The following TMEM272 variants were observed in gnomAD, a reference collection of about 807,000 sequenced individuals.
TMEM272 encodes long intergenic non-protein coding RNA 282.
A neutral mutation model predicts 3.7 loss-of-function variants in TMEM272; 8 were observed. That is an observed-to-expected ratio of 2.17 (90% CI 1.27 to 3.91). The LOEUF (loss-of-function observed/expected upper bound fraction) is 3.91, where lower values mean the gene tolerates loss of function less well. TMEM272 is among the 30% of genes most tolerant of loss of function. TMEM272 has a pLI of 0.00. For missense variants in TMEM272, 166 were observed against 91.5 expected (o/e 1.81, Z -3.32); for synonymous variants, 63 against 39.8 (o/e 1.58, Z -2.20).
upstream of TMEM272, among the ~76,000 whole-genome samples, chr13:51,847,421 C>T (rs957559123): frequency 4.6e-5 from 7 of 152,212 alleles, no homozygotes; most frequent in Admixed American, 2.0e-4. Flanking sequence ...TGAGGTTGAA[C>T]GGTTTCATGC....
the TMEM272 span, among the ~76,000 whole-genome samples, chr13:51,902,394 C>T: frequency 2.0e-4 from 30 of 152,290 alleles, no homozygotes; most frequent in Non-Finnish European, 4.0e-4. Context: ...CACCCACATG[C>T]CTTTAGAACC....
chr13:51,918,810 T>C, the TMEM272 span, among the ~76,000 whole-genome samples: 1 of 142,888 alleles, frequency 7.0e-6, no homozygotes, highest in South Asian at 2.3e-4. Context: ...ATTCTTTTTT[T>C]TTTTTTTTTT....
chr13:51,855,668 C>T, the TMEM272 span, among the ~76,000 whole-genome samples: 4 of 152,016 alleles, frequency 2.6e-5, no homozygotes, highest in Non-Finnish European at 4.4e-5. Flanking sequence ...GTAGATTAGA[C>T]ACCGCTGAAG....
In TMEM272 at chr13:51,815,683, A is replaced by C. The variant is rs991441245; in HGVS notation, c.*1068T>G. The stretch of plus-strand genomic sequence containing the variant: ...CAGTATCTTCATACAAAATTCTAAA[A>C]CATGGGACTTTTTGCTCATAAAGAG... On this transcript the variant is annotated 3_prime_UTR_variant, in exon 5 of 5. Transcript: ENST00000629372. The C allele has an allele frequency of 6.6e-6, 1 of 152,172 alleles. No homozygotes were observed. Among genetic ancestry groups the C allele is most frequent in the African/African-American group, 2.4e-5 (1 of 41,436 alleles). 9.4% of individuals were successfully genotyped at this position (152,172 alleles called of 1,614,324 possible).
chr13:51,841,829 T>G (rs1956266438), intron 1 of TMEM272, among the ~76,000 whole-genome samples: 1 of 152,146 alleles, frequency 6.6e-6, no homozygotes, highest in African/African-American at 2.4e-5. Context: ...ACTGGCAAGA[T>G]GGATGAGAAC....
At chr13:51,820,300 T>C (rs1229289044) in intron 4 of TMEM272, among the ~76,000 whole-genome samples, 1 of 152,184 alleles carries the variant, frequency 6.6e-6, no homozygotes, top group Non-Finnish European at 1.5e-5. Context: ...ACGAAGGATG[T>C]TGGGACCCCC....
At chr13:51,843,672 C>CA (rs1234295712) in intron 1 of TMEM272, among the ~76,000 whole-genome samples, 2 of 152,192 alleles carry the variant, frequency 1.3e-5, no homozygotes, top group Admixed American at 1.3e-4. Flanking sequence ...ACAGGCCGGG[C>CA]AGTGCCTTCT....
At chr13:51,846,402 G>A (rs1956305868), upstream of TMEM272, among the ~76,000 whole-genome samples, 1 of 152,190 alleles carries the variant, frequency 6.6e-6, no homozygotes, top group South Asian at 2.1e-4. Flanking sequence ...ATGTGTTTGT[G>A]GTGATGTTGG....
the TMEM272 span, among the ~76,000 whole-genome samples, chr13:51,915,512 G>A: frequency 2.2e-4 from 34 of 152,222 alleles, no homozygotes; most frequent in African/African-American, 8.0e-4. Flanking sequence ...ATAATTGGGA[G>A]AATTCTCCAG....
the TMEM272 span, among the ~76,000 whole-genome samples, chr13:51,900,093 T>C: frequency 2.0e-5 from 3 of 152,138 alleles, no homozygotes; most frequent in Non-Finnish European, 4.4e-5. Flanking sequence ...AATTAGGCAA[T>C]GGTTTCTTAG....
chr13:51,850,869 T>C, the TMEM272 span, among the ~76,000 whole-genome samples: 1 of 152,214 alleles, frequency 6.6e-6, no homozygotes, highest in Non-Finnish European at 1.5e-5. Flanking sequence ...ACAGCACTTC[T>C]ACAAAAATAA....
At chr13:51,911,528 G>A in the TMEM272 span, among the ~76,000 whole-genome samples, 4 of 152,160 alleles carry the variant, frequency 2.6e-5, no homozygotes, top group Admixed American at 6.5e-5. Context: ...CACCTCCCGC[G>A]CATGCACATA....
At chr13:51,869,733 C>T in the TMEM272 span, among the ~76,000 whole-genome samples, 1 of 152,214 alleles carries the variant, frequency 6.6e-6, no homozygotes, top group East Asian at 1.9e-4. Flanking sequence ...CGTGATCCGC[C>T]CACCTCAGCC....
chr13:51,916,108 G>A, the TMEM272 span, among the ~76,000 whole-genome samples: 16 of 152,272 alleles, frequency 1.1e-4, no homozygotes, highest in South Asian at 1.0e-3. Flanking sequence ...ACTTAACACT[G>A]GGAACGTGTA....
At chr13:51,899,809 T>C in the TMEM272 span, among the ~76,000 whole-genome samples, 3 of 152,234 alleles carry the variant, frequency 2.0e-5, no homozygotes, top group Non-Finnish European at 4.4e-5. Context: ...CTTAATGGAA[T>C]AGAACTACAT....
At chr13:51,907,995 A>G in the TMEM272 span, among the ~76,000 whole-genome samples, 1 of 152,338 alleles carries the variant, frequency 6.6e-6, no homozygotes, top group East Asian at 1.9e-4. Context: ...TGGATTAATC[A>G]AATTAAAATA....
At chr13:51,837,360 C>T (rs1249963641) in intron 2 of TMEM272, among the ~76,000 whole-genome samples, 1 of 152,172 alleles carries the variant, frequency 6.6e-6, no homozygotes, top group African/African-American at 2.4e-5. Flanking sequence ...CTTTCCCTGC[C>T]GGCAGTAAAC....
At chr13:51,844,632 T>C (rs1013301151) in intron 1 of TMEM272, among the ~76,000 whole-genome samples, 1 of 152,166 alleles carries the variant, frequency 6.6e-6, no homozygotes, top group South Asian at 2.1e-4. Flanking sequence ...TCCTTTGAGC[T>C]CTACCACCCC....
At chr13:51,886,959 G>A in the TMEM272 span, among the ~76,000 whole-genome samples, 1,235 of 152,134 alleles carry the variant, frequency 8.1e-3, 28 homozygotes, top group African/African-American at 0.028. Flanking sequence ...TTACCTTACC[G>A]TGCTCACCAG....
Sources: gnomAD v4.1 joint callset for allele counts (sites outside exome capture counted in the v4.1 genomes callset) on GRCh38, gnomAD v4.1.1 for gene constraint, MANE v1.5 for transcripts, NCBI Gene and HGNC (gene_info 2026-07-23, HGNC 2026-07-21) for gene names.